The following NEK10 variants were observed in gnomAD, a reference collection of about 807,000 sequenced individuals.
The protein encoded by NEK10 is NIMA related kinase 10, also known as serine/threonine-protein kinase Nek10.
Under a neutral mutation model 159.8 loss-of-function variants are expected in NEK10, and 122 were observed. The ratio of observed to expected loss-of-function variants is 0.76; its 90% CI spans 0.66 to 0.89. The LOEUF (loss-of-function observed/expected upper bound fraction) is 0.89, where lower values mean the gene tolerates loss of function less well. Among genes scored for constraint, NEK10 ranks in the 40% least tolerant of loss-of-function variants. The probability of loss-of-function intolerance (pLI) is 0.00; values close to 1 mark genes in which losing one functional copy is unlikely to be tolerated. For missense variants in NEK10, 1,342 were observed against 1,323.1 expected, an observed-to-expected ratio of 1.01 and a Z score of -0.22; for synonymous variants, 466 against 457.1, an observed-to-expected ratio of 1.02 and a Z score of -0.25.
At chr3:27,340,067 T>C (rs533685531) in intron 5 of NEK10, among the ~76,000 whole-genome samples, 73 of 152,304 alleles carry the variant, frequency 4.8e-4, no homozygotes, top group African/African-American at 1.7e-3. Context: ...TATATGTTTA[T>C]TGCAGCACCA....
chr3:27,210,221 T>A (rs892179633), intron 23 of NEK10, among the ~76,000 whole-genome samples: 4 of 152,200 alleles, frequency 2.6e-5, no homozygotes, highest in Non-Finnish European at 5.9e-5. Flanking sequence ...GATGAGGGGC[T>A]GCATCTGGTG....
intron 7 of NEK10, among the ~76,000 whole-genome samples, chr3:27,313,772 G>A (rs1262078598): frequency 6.6e-6 from 1 of 152,172 alleles, no homozygotes; most frequent in African/African-American, 2.4e-5. Context: ...GAGTGCAGTG[G>A]TGCAACTTCA....
chr3:27,244,175 C>T (rs1373769), intron 23 of NEK10, among the ~76,000 whole-genome samples: 39,384 of 152,142 alleles, frequency 0.26, 5,255 homozygotes, highest in Middle Eastern at 0.38. Flanking sequence ...TCACCAAATA[C>T]GCTGAGCCTA....
intron 23 of NEK10, among the ~76,000 whole-genome samples, chr3:27,228,294 A>T (rs1952848895): frequency 6.6e-6 from 1 of 152,126 alleles, no homozygotes; most frequent in Non-Finnish European, 1.5e-5. Flanking sequence ...TCATTTCCTC[A>T]TGATGACTTA....
Position 27,353,557 on chromosome 3 carries a change from T to TA in NEK10, c.-37-639dup, listed in dbSNP as rs147566157. Among the ~76,000 whole-genome samples the TA allele has an allele frequency of 1.0e-3, 159 of 152,290 alleles. 2 individuals are homozygous for TA. The East Asian group carries it at 0.028, about 27-fold the overall frequency. ...AATGCTCAAAGACAGTTTAAGGATT[T>TA]AAAAATGATTTTCCCAATATATTTG... On this transcript the variant is annotated intron_variant, in intron 1 of 35. Transcript: ENST00000691995.
chr3:27,141,746 T>C (rs545078275), intron 30 of NEK10, among the ~76,000 whole-genome samples, 164 bp from the exon 31 acceptor site: 2 of 152,268 alleles, frequency 1.3e-5, no homozygotes, highest in East Asian at 3.9e-4. Flanking sequence ...TGACATGGAA[T>C]AAAAAATATC....
chr3:27,264,423 A>G (rs559216795), intron 22 of NEK10, among the ~76,000 whole-genome samples: 2 of 152,326 alleles, frequency 1.3e-5, no homozygotes, highest in South Asian at 4.1e-4. Context: ...CCAGTGACAT[A>G]TAAAAAGCAT....
intron 32 of NEK10, among the ~76,000 whole-genome samples, chr3:27,128,811 C>T (rs572703753): frequency 6.8e-4 from 104 of 152,260 alleles, no homozygotes; most frequent in Non-Finnish European, 1.1e-3. Context: ...ACCATACTTA[C>T]TATGCTATCT....
At chr3:27,254,876 G>A (rs1956020786) in intron 23 of NEK10, among the ~76,000 whole-genome samples, 1 of 150,074 alleles carries the variant, frequency 6.7e-6, no homozygotes, top group South Asian at 2.1e-4. Context: ...GGCATGTTTT[G>A]GATTTCTTCC....
intron 22 of NEK10, among the ~76,000 whole-genome samples, chr3:27,271,203 C>A (rs998227896): frequency 3.3e-5 from 5 of 151,866 alleles, no homozygotes; most frequent in Admixed American, 3.3e-4. Context: ...ATCTACCTAT[C>A]TATCTGTCTA....
chr3:27,358,178 G>A (rs1241238774), intron 1 of NEK10, among the ~76,000 whole-genome samples: 2 of 152,194 alleles, frequency 1.3e-5, no homozygotes, highest in African/African-American at 4.8e-5. Flanking sequence ...ATGAGAAGGT[G>A]GAAATTAAGT....
rs757526008 is a variant in NEK10, at chr3:27,192,239, G to A, written c.2295C>T (p.Cys765=). 1.1e-5 allele frequency: 17 copies of A among 1,611,638 alleles called. No individual in the cohort carries two copies. In the South Asian group the frequency reaches 1.1e-4, roughly 10 times the overall value. ...SEKVTDTISR[C]LTPDAEARPD... is the part of the protein sequence containing the mutation. Reference sequence around the variant, plus strand: ...GACGAGCTTCCGCATCAGGAGTGAGGCACCTAAGATAACATGAGATAATTA... The same window carrying A: ...GACGAGCTTCCGCATCAGGAGTGAGACACCTAAGATAACATGAGATAATTA... Residue 765 remains cysteine (C), a synonymous_variant, in exon 26 of 36, where the codon TGC becomes TGT. Transcript: ENST00000691995.
At chr3:27,311,102 G>T in intron 8 of NEK10, 86 bp from the exon 9 acceptor site, 1 of 816,126 alleles carries the variant, frequency 1.2e-6, no homozygotes, top group Non-Finnish European at 2.1e-6. Flanking sequence ...GTGCATATGG[G>T]CAGGCAGAGA....
chr3:27,155,339 T>C (rs1430674517), intron 30 of NEK10, among the ~76,000 whole-genome samples: 1 of 151,570 alleles, frequency 6.6e-6, no homozygotes, highest in African/African-American at 2.4e-5. Context: ...CTGTCTCTAC[T>C]AAAAATACAA....
chr3:27,268,930 C>T (rs990264284), intron 22 of NEK10, among the ~76,000 whole-genome samples: 6 of 152,108 alleles, frequency 3.9e-5, no homozygotes, highest in African/African-American at 1.4e-4. Context: ...AAAATATCAA[C>T]ATTAACAGGA....
At chr3:27,325,815 G>C (rs1182457519) in intron 5 of NEK10, among the ~76,000 whole-genome samples, 1 of 152,218 alleles carries the variant, frequency 6.6e-6, no homozygotes, top group Non-Finnish European at 1.5e-5. Flanking sequence ...GATGTCCAAA[G>C]AATATCACTG....
At chr3:27,362,808 C>G (rs1276136807) in intron 1 of NEK10, among the ~76,000 whole-genome samples, 4 of 151,972 alleles carry the variant, frequency 2.6e-5, no homozygotes, top group African/African-American at 9.7e-5. Flanking sequence ...TCCACCGTCA[C>G]TGCCAACGCC....
At chr3:27,296,523 G>A (rs1394156627) in intron 14 of NEK10, among the ~76,000 whole-genome samples, 5 of 152,130 alleles carry the variant, frequency 3.3e-5, no homozygotes, top group African/African-American at 9.6e-5. Flanking sequence ...TAACATGTAC[G>A]GATCTTGAAG....
At chr3:27,195,797 C>A (rs1441481736) in intron 25 of NEK10, among the ~76,000 whole-genome samples, 3 of 152,050 alleles carry the variant, frequency 2.0e-5, no homozygotes, top group Non-Finnish European at 2.9e-5. Flanking sequence ...CTCTCATTGC[C>A]CCCTTTACCA....
Sources: allele counts gnomAD v4.1 joint callset (sites outside exome capture counted in the v4.1 genomes callset), GRCh38; gene constraint gnomAD v4.1.1; transcripts MANE v1.5; gene names NCBI Gene and HGNC (gene_info 2026-07-23, HGNC 2026-07-21).